ARAP2: variants seen among roughly 807,000 people sequenced by gnomAD.
ARAP2 encodes ArfGAP with RhoGAP domain, ankyrin repeat and PH domain 2.
ARAP2 carries 148 observed loss-of-function variants against 194.5 expected under a neutral mutation model. That is an observed-to-expected ratio of 0.76 (90% CI 0.67 to 0.87). The LOEUF is 0.87. Ranked by LOEUF, ARAP2 falls within the 40% of genes least tolerant of loss-of-function variation. The probability of loss-of-function intolerance (pLI) is 0.00; values close to 1 mark genes in which losing one functional copy is unlikely to be tolerated. For synonymous variants in ARAP2, 695 were observed against 683.5 expected (o/e 1.02, Z -0.26); for missense variants, 2,128 against 1,989.7 (o/e 1.07, Z -1.32).
intron 6 of ARAP2, among the ~76,000 whole-genome samples, chr4:36,017,563 G>GAAAAAAAAAAAA (rs1560270898): frequency 1.1e-3 from 7 of 6,530 alleles, no homozygotes; most frequent in Admixed American, 6.3e-3. Context: ...TAAGAAAGTG[G>GAAAAAAAAAAAA]TAAAAAAAAA....
chr4:36,218,419 T>G (rs755102064), intron 2 of ARAP2, among the ~76,000 whole-genome samples: 5 of 151,942 alleles, frequency 3.3e-5, no homozygotes, highest in Non-Finnish European at 5.9e-5. Context: ...ACCCAGCACA[T>G]GTACCCTAAA....
At chr4:36,010,874 A>G (rs1714381557) in intron 9 of ARAP2, among the ~76,000 whole-genome samples, 1 of 152,150 alleles carries the variant, frequency 6.6e-6, no homozygotes, top group Non-Finnish European at 1.5e-5. Flanking sequence ...TGTGTTATAT[A>G]TCTTGGTGCC....
chr4:36,105,951 AAAG>A (rs1177571336), intron 27 of ARAP2, among the ~76,000 whole-genome samples: 8 of 152,030 alleles, frequency 5.3e-5, no homozygotes, highest in African/African-American at 1.9e-4. Context: ...TATCAGAAGA[AAAG>A]AAACAAATAA....
intron 10 of ARAP2, 40 bp from the exon 11 acceptor site, chr4:36,165,153 TA>T: frequency 6.3e-7 from 1 of 1,593,812 alleles, no homozygotes; most frequent in Non-Finnish European, 8.6e-7. Context: ...ATCTCCCTTG[TA>T]AAGGCCAATT....
chr4:36,070,842 A>C (rs1207468145), intron 32 of ARAP2, among the ~76,000 whole-genome samples: 1 of 152,238 alleles, frequency 6.6e-6, no homozygotes, highest in Non-Finnish European at 1.5e-5. Flanking sequence ...TGTATTATTC[A>C]TAGTTTAAAG....
chr4:36,159,995 G>A (rs1027805012), intron 13 of ARAP2: 2 of 778,798 alleles, frequency 2.6e-6, no homozygotes, highest in South Asian at 5.8e-5. Context: ...CTCAGGGGCC[G>A]AGGATAGGAA....
chr4:36,072,681 CA>C (rs1237489165), intron 32 of ARAP2, among the ~76,000 whole-genome samples: 7 of 141,920 alleles, frequency 4.9e-5, no homozygotes, highest in African/African-American at 1.6e-4. Context: ...AAAAAAACCC[CA>C]AAAAAAACAA....
At chr4:36,016,106 GTAGT>G (rs1349236518) in intron 6 of ARAP2, 1 of 152,138 alleles carries the variant, frequency 6.6e-6, no homozygotes, top group African/African-American at 2.4e-5. Context: ...AAACTATATA[GTAGT>G]TAGTTGAAAT....
chr4:36,218,493 C>T (rs538187922), intron 2 of ARAP2, among the ~76,000 whole-genome samples: 1 of 151,778 alleles, frequency 6.6e-6, no homozygotes, highest in Non-Finnish European at 1.5e-5. Context: ...CAACCTATAG[C>T]AATGAGGAAA....
chr4:36,225,121 C>T (rs1750013766), intron 2 of ARAP2, among the ~76,000 whole-genome samples: 1 of 152,166 alleles, frequency 6.6e-6, no homozygotes, highest in African/African-American at 2.4e-5. Flanking sequence ...GGAGTCAACA[C>T]AGCCCCTCAG....
chr4:36,228,325 T>TC (rs1422774415), intron 2 of ARAP2, among the ~76,000 whole-genome samples: 1 of 152,120 alleles, frequency 6.6e-6, no homozygotes, highest in Non-Finnish European at 1.5e-5. Flanking sequence ...GAAAGGAATA[T>TC]CCAGGTAGAA....
In ARAP2 at chr4:36,177,994, C is replaced by T. The variant is rs755641803; in HGVS notation, c.1690G>A (p.Asp564Asn). The T allele has an allele frequency of 2.5e-6, 4 of 1,592,052 alleles. No individual in the cohort carries two copies. In the Admixed American group the frequency reaches 5.5e-5, roughly 22 times the overall value. ...GCATTTAATAGTATGCTGATCCAGT[C>T]ATTTCTCTCCTCTGAAAATGAAGAC... is the stretch of plus-strand genomic sequence containing the variant. ...FRVEKEEERNDWISILLNALK... is the reference protein window; with the variant it reads ...FRVEKEEERNNWISILLNALK... Residue 564 changes from aspartate (D) to asparagine (N), a missense_variant, in exon 9 of 33, where the codon GAC becomes AAC. By Grantham distance (23) the Asp-to-Asn change is conservative. Transcript: ENST00000303965.
At chr4:36,014,324 GAGAAAGAAAGAAAGAA>G (rs1181898359) in intron 8 of ARAP2, among the ~76,000 whole-genome samples, 12,991 of 109,352 alleles carry the variant, frequency 0.12, 954 homozygotes, top group Middle Eastern at 0.15. Flanking sequence ...GAAAGAAAGA[GAGAAAGAAAGAAAGAA>G]AGAAAGAAAG....
At chr4:36,147,836 ATC>A in intron 17 of ARAP2, 90 bp from the exon 18 acceptor site, 1 of 1,110,216 alleles carries the variant, frequency 9.0e-7, no homozygotes, top group Non-Finnish European at 1.3e-6. Flanking sequence ...TAGACAAATT[ATC>A]TTAGTTTTTC....
chr4:36,124,905 C>A lies in ARAP2; in HGVS notation c.3703G>T (p.Val1235Phe), dbSNP rs1723516286. 6.2e-7 allele frequency: 1 copy of A among 1,611,062 alleles called. No individual in the cohort carries two copies. Among genetic ancestry groups the A allele is most frequent in the Non-Finnish European group, 8.5e-7 (1 of 1,178,170 alleles). The change falls in exon 22 of 33, where the codon GTC (valine) becomes TTC (phenylalanine). Residue 1235 changes from valine to phenylalanine, a missense_variant. By Grantham distance (50) the Val-to-Phe change is conservative. Transcript: ENST00000303965. Reference sequence around the variant, plus strand: ...ATAGCTGCTAGTGTTGCTCGGTTGACCCCTGGAAGAGAACGTATAAATGCT... The same window carrying A: ...ATAGCTGCTAGTGTTGCTCGGTTGAACCCTGGAAGAGAACGTATAAATGCT... Reference protein sequence around the residue: ...YGAFIRSLPGVNRATLAAIIE... With the variant: ...YGAFIRSLPGFNRATLAAIIE...
At chr4:36,203,392 T>C (rs1022634766) in intron 6 of ARAP2, among the ~76,000 whole-genome samples, 2 of 152,086 alleles carry the variant, frequency 1.3e-5, no homozygotes, top group Non-Finnish European at 2.9e-5. Context: ...AAGACCAGCC[T>C]GAGCAACATG....
rs748621886 is a variant in ARAP2, at chr4:36,158,846, A to G, written c.2636T>C (p.Ile879Thr). The G allele has an allele frequency of 3.8e-6, 6 of 1,594,522 alleles. No individual in the cohort carries two copies. The South Asian group carries it at 5.9e-5, about 16-fold the overall frequency. ...NKFSDFPQHD[I>T]HSEGVLSQES... is the part of the protein sequence containing the mutation. ...TTGACTTAATACACCCTCGGAATGA[A>G]TATCATGTTGAGGGAAATCTAGAAA... Residue 879 changes from isoleucine (I) to threonine (T), a missense_variant, in exon 15 of 33, where the codon ATT (isoleucine) becomes ACT (threonine). Physicochemically the swap from Ile to Thr is moderately conservative, Grantham distance 89 (BLOSUM62 -1). Transcript: ENST00000303965.
intron 19 of ARAP2, among the ~76,000 whole-genome samples, chr4:36,145,141 T>C (rs1729342232): frequency 6.6e-6 from 1 of 151,630 alleles, no homozygotes; most frequent in Non-Finnish European, 1.5e-5. Flanking sequence ...GAACTAAAAA[T>C]AGAACTACCA....
chr4:36,141,831 T>G (rs1335504445), intron 19 of ARAP2, among the ~76,000 whole-genome samples: 1 of 151,688 alleles, frequency 6.6e-6, no homozygotes, highest in Non-Finnish European at 1.5e-5. Context: ...TATAAATAAT[T>G]GGAAGTTGTG....
Sources: allele counts gnomAD v4.1 joint callset (sites outside exome capture counted in the v4.1 genomes callset), GRCh38; gene constraint gnomAD v4.1.1; transcripts MANE v1.5; gene names NCBI Gene and HGNC (gene_info 2026-07-23, HGNC 2026-07-21).